The following TBC1D1 variants were observed in gnomAD, a reference collection of about 807,000 sequenced individuals.
The protein encoded by TBC1D1 is TBC1 (tre-2/USP6, BUB2, cdc16) domain family, member 1.
TBC1D1 carries 89 observed loss-of-function variants against 125.6 expected under a neutral mutation model. That is an observed-to-expected ratio of 0.71 (90% CI 0.60 to 0.85). The LOEUF (loss-of-function observed/expected upper bound fraction) is 0.85. TBC1D1 is among the 40% of genes least tolerant of loss of function. The pLI is 0.00. For synonymous variants in TBC1D1, 565 were observed against 564.1 expected (o/e 1.00, Z -0.02); for missense variants, 1,377 against 1,469.2 (o/e 0.94, Z 1.03).
At chr4:38,012,985 G>T (rs1255846614) in intron 2 of TBC1D1, among the ~76,000 whole-genome samples, 1 of 152,040 alleles carries the variant, frequency 6.6e-6, no homozygotes, top group Non-Finnish European at 1.5e-5. Context: ...AGTAGAGACG[G>T]GGTTTCACTA....
At chr4:38,129,889 C>T (rs548199914) in intron 18 of TBC1D1, among the ~76,000 whole-genome samples, 2 of 152,236 alleles carry the variant, frequency 1.3e-5, no homozygotes, top group Admixed American at 6.5e-5. Context: ...GTATGCAGAA[C>T]ATTAGCATGT....
intron 2 of TBC1D1, among the ~76,000 whole-genome samples, chr4:37,927,775 T>C (rs753798258): frequency 2.0e-5 from 3 of 152,214 alleles, no homozygotes; most frequent in Non-Finnish European, 4.4e-5. Context: ...CAAGCATCTG[T>C]AGTCCCAGCT....
At chr4:37,921,564 G>T (rs987966550) in intron 2 of TBC1D1, among the ~76,000 whole-genome samples, 1 of 151,112 alleles carries the variant, frequency 6.6e-6, no homozygotes, top group Non-Finnish European at 1.5e-5. Context: ...GCGCCACCAT[G>T]CCCAGCTAAT....
intron 8 of TBC1D1, among the ~76,000 whole-genome samples, chr4:38,042,628 G>A (rs767961530): frequency 3.3e-5 from 5 of 152,178 alleles, no homozygotes; most frequent in Non-Finnish European, 5.9e-5. Context: ...TTCACTATAC[G>A]TCTTCAGGCT....
At chr4:38,009,911 C>T (rs1267597855) in intron 2 of TBC1D1, among the ~76,000 whole-genome samples, 2 of 152,126 alleles carry the variant, frequency 1.3e-5, no homozygotes, top group Non-Finnish European at 2.9e-5. Context: ...TTTTTGGGTT[C>T]TTGTTTGTGC....
chr4:38,103,481 T>C (rs1760722347), intron 15 of TBC1D1, among the ~76,000 whole-genome samples: 1 of 152,210 alleles, frequency 6.6e-6, no homozygotes, highest in African/African-American at 2.4e-5. Context: ...AGGAACATCC[T>C]GGAAAACGTA....
chr4:38,049,707 G>C lies in TBC1D1; in HGVS notation c.1719G>C (p.Ser573=), dbSNP rs372454900. The C allele has an allele frequency of 1.1e-5, 17 of 1,614,074 alleles. 1 individual carries two copies. In the South Asian group the frequency reaches 1.8e-4, roughly 17 times the overall value. ...CCTCGGAGGACCTGTCCAGTGACTCGGAGAGTCATCTCCCAGAAGAGCCAG... is the reference window on the plus strand; with the variant it reads ...CCTCGGAGGACCTGTCCAGTGACTCCGAGAGTCATCTCCCAGAAGAGCCAG... Residue 573 remains serine, a synonymous_variant, in exon 11 of 20, where the codon TCG becomes TCC. Transcript: ENST00000261439.
At chr4:38,093,137 G>T (rs748585195) in intron 13 of TBC1D1, among the ~76,000 whole-genome samples, 3 of 152,130 alleles carry the variant, frequency 2.0e-5, no homozygotes, top group Non-Finnish European at 4.4e-5. Context: ...ATTCTATCTT[G>T]AGTTCCTTTT....
chr4:38,106,819 G>A (rs1433544984), intron 15 of TBC1D1, among the ~76,000 whole-genome samples: 1 of 152,112 alleles, frequency 6.6e-6, no homozygotes, highest in Non-Finnish European at 1.5e-5. Context: ...TGTGCACTCC[G>A]AAGGCACTGT....
rs376244849 is a variant in TBC1D1 at position 38,090,042 on chromosome 4, C to T, written c.2161C>T (p.Arg721Ter). The change falls in exon 13 of 20, where the codon CGA becomes TGA. Residue 721 changes from arginine to a stop codon, truncating the protein, a stop_gained. Transcript: ENST00000261439. LOFTEE classifies it high-confidence loss of function. ...AAAGAAAAGGACATCTCGTGAGCTC[C>T]GAGAGCTGTGGCAAAAGGCTATTCT... 5 of 1,613,902 alleles carry T rather than the reference C, an allele frequency of 3.1e-6. No homozygotes were observed. The highest frequency in any genetic ancestry group is 4.5e-5 in the East Asian group (2 of 44,896).
At position 37,999,017 on chromosome 4, in the gene TBC1D1, C is replaced by G. The variant is rs1292892836; in HGVS notation, c.418-15492C>G. 3.3e-5 allele frequency among the ~76,000 whole-genome samples: 5 copies of G among 152,182 alleles called. No homozygotes were observed. The East Asian group carries it at 9.6e-4, about 29-fold the overall frequency. On this transcript the variant is annotated intron_variant, in intron 2 of 19. Coordinates refer to ENST00000261439, the MANE Select transcript of TBC1D1 (RefSeq NM_015173.4). ...ATCCCAGCACTTTGGGAAGCCAAAG[C>G]AGGTGGATCACTTGGGAACTCAGGA...
At chr4:38,107,577 GT>G (rs3038351) in intron 15 of TBC1D1, among the ~76,000 whole-genome samples, 143 of 53,092 alleles carry the variant, frequency 2.7e-3, no homozygotes, top group African/African-American at 8.3e-3. Flanking sequence ...GTCTAAACAG[GT>G]TTTTTTTTTT....
At chr4:38,029,961 T>G (rs1029477852) in intron 7 of TBC1D1, among the ~76,000 whole-genome samples, 1 of 152,242 alleles carries the variant, frequency 6.6e-6, no homozygotes, top group African/African-American at 2.4e-5. Context: ...ATGGACAATA[T>G]GCTTCTGATT....
rs149645940 is a variant in TBC1D1, at chr4:38,096,083, T to C, written c.2391T>C (p.Val797=). ...ACATGGAAAAAATGCACTCGGCTGTTGGGCAAGGTAAGCTTCATTGGGAAG... is the reference window on the plus strand; with the variant it reads ...ACATGGAAAAAATGCACTCGGCTGTCGGGCAAGGTAAGCTTCATTGGGAAG... The change falls in exon 14 of 20, where the codon GTT becomes GTC. Residue 797 remains valine, a synonymous_variant. Transcript: ENST00000261439. 1,059 of 1,613,156 alleles carry C rather than the reference T, an allele frequency of 6.6e-4. 1 individual carries two copies. Among genetic ancestry groups the C allele is most frequent in the Non-Finnish European group, 8.2e-4 (966 of 1,179,460 alleles).
At chr4:38,090,221 A>T in intron 13 of TBC1D1, 104 bp downstream of exon 15, 1 of 1,067,108 alleles carries the variant, frequency 9.4e-7, no homozygotes, top group Non-Finnish European at 1.4e-6. Context: ...GCAGCACGAT[A>T]GTCTAATGTA....
chr4:37,967,517 A>G (rs1409827884), intron 2 of TBC1D1, among the ~76,000 whole-genome samples: 3 of 151,938 alleles, frequency 2.0e-5, no homozygotes, highest in Non-Finnish European at 4.4e-5. Context: ...AAGATAAAAA[A>G]GAGAAATTAT....
intron 15 of TBC1D1, chr4:38,110,682 A>G: frequency 1.0e-6 from 1 of 985,464 alleles, no homozygotes; most frequent in Non-Finnish European, 1.2e-6. Flanking sequence ...TTATATGTGA[A>G]GGTAATCTGC....
intron 2 of TBC1D1, among the ~76,000 whole-genome samples, chr4:38,005,626 C>T (rs1739990943): frequency 2.6e-5 from 4 of 152,198 alleles, no homozygotes; most frequent in Admixed American, 2.6e-4. Flanking sequence ...CTCCTTAGTT[C>T]CTCTGAGGGA....
At chr4:38,087,856 AAAAAAAG>A (rs1257061498) in intron 12 of TBC1D1, among the ~76,000 whole-genome samples, 1 of 130,998 alleles carries the variant, frequency 7.6e-6, no homozygotes, top group African/African-American at 3.0e-5. Context: ...AAAAAAAAAA[AAAAAAAG>A]AAAAAAAAAA....
Sources: allele counts gnomAD v4.1 joint callset (sites outside exome capture counted in the v4.1 genomes callset), GRCh38; gene constraint gnomAD v4.1.1; transcripts MANE v1.5; gene names NCBI Gene and HGNC (gene_info 2026-07-23, HGNC 2026-07-21).